Variants in C1orf21 observed in about 807,000 individuals in gnomAD.
C1orf21 encodes uncharacterized protein C1orf21.
A neutral mutation model predicts 18.7 loss-of-function variants in C1orf21; 3 were observed. The ratio of observed to expected loss-of-function variants is 0.16; its 90% CI spans 0.07 to 0.42. C1orf21 has a LOEUF of 0.42. Ranked by LOEUF, C1orf21 falls within the 10% of genes least tolerant of loss-of-function variation. The probability of loss-of-function intolerance (pLI) is 0.99; values close to 1 mark genes in which losing one functional copy is unlikely to be tolerated. For synonymous variants in C1orf21, 41 were observed against 46.4 expected (o/e 0.88, Z 0.47); for missense variants, 104 against 143.6 (o/e 0.72, Z 1.41).
intron 1 of C1orf21, among the ~76,000 whole-genome samples, chr1:184,425,909 A>G (rs1656630057): frequency 6.6e-6 from 1 of 152,210 alleles, no homozygotes; most frequent in African/African-American, 2.4e-5. Context: ...TTGAGAATGG[A>G]GACCATATAG....
intron 2 of C1orf21, among the ~76,000 whole-genome samples, chr1:184,482,283 T>A (rs1249405693): frequency 6.6e-6 from 1 of 152,162 alleles, no homozygotes; most frequent in Non-Finnish European, 1.5e-5. Context: ...AGCCAAACTT[T>A]TCAGCCCGGC....
At chr1:184,472,607 TA>T (rs1657510965) in intron 1 of C1orf21, among the ~76,000 whole-genome samples, 1 of 152,196 alleles carries the variant, frequency 6.6e-6, no homozygotes, top group South Asian at 2.1e-4. Flanking sequence ...TGCTTTTTCT[TA>T]AAAACAGATT....
chr1:184,589,262 A>G (rs1283011052), intron 3 of C1orf21, among the ~76,000 whole-genome samples: 1 of 152,230 alleles, frequency 6.6e-6, no homozygotes, highest in Non-Finnish European at 1.5e-5. Flanking sequence ...AAAAGGACCA[A>G]CTTGGAAGGA....
At chr1:184,566,594 G>A (rs987523270) in intron 3 of C1orf21, 9 of 373,056 alleles carry the variant, frequency 2.4e-5, no homozygotes, top group Non-Finnish European at 4.2e-5. Context: ...AACCAAGACT[G>A]CTTCCCTGGT....
At chr1:184,411,799 C>T (rs1238756474) in intron 1 of C1orf21, among the ~76,000 whole-genome samples, 2 of 152,140 alleles carry the variant, frequency 1.3e-5, no homozygotes, top group Non-Finnish European at 2.9e-5. Flanking sequence ...GTCTTCAGTC[C>T]ACCAAGTTTG....
intron 3 of C1orf21, among the ~76,000 whole-genome samples, chr1:184,525,015 G>A: frequency 6.6e-6 from 1 of 151,856 alleles, no homozygotes; most frequent in East Asian, 1.9e-4. Flanking sequence ...TTGGAAGAAT[G>A]GCAAATTTTT....
rs77222082 is a variant in C1orf21 at position 184,398,451 on chromosome 1, C to G, written c.-125+11083C>G. Among the ~76,000 whole-genome samples the G allele has an allele frequency of 7.9e-3, 1,210 of 152,282 alleles. 19 individuals carry two copies. The highest frequency in any genetic ancestry group is 0.028 in the African/African-American group (1,164 of 41,546). On this transcript the variant is annotated intron_variant, in intron 1 of 5. Coordinates refer to ENST00000235307, the MANE Select transcript of C1orf21 (RefSeq NM_030806.4). ...CCAGCCAGTTCTGTTTTCTCTGCCC[C>G]CTTCCTCGTACACTCCTTTCTTCTC...
intron 1 of C1orf21, among the ~76,000 whole-genome samples, chr1:184,392,342 C>T: frequency 6.6e-6 from 1 of 152,194 alleles, no homozygotes; most frequent in Non-Finnish European, 1.5e-5. Context: ...ATTAGATTCA[C>T]TGCTGCTCCC....
At chr1:184,513,461 G>A (rs1658180195) in intron 3 of C1orf21, among the ~76,000 whole-genome samples, 1 of 152,246 alleles carries the variant, frequency 6.6e-6, no homozygotes, top group Non-Finnish European at 1.5e-5. Flanking sequence ...ATGGTTTACA[G>A]TAGAGGACAC....
chr1:184,563,320 C>T (rs1571279094), intron 3 of C1orf21, among the ~76,000 whole-genome samples: 1 of 152,168 alleles, frequency 6.6e-6, no homozygotes, highest in East Asian at 1.9e-4. Context: ...AAATTAACTG[C>T]ACATGTAATG....
intron 3 of C1orf21, among the ~76,000 whole-genome samples, chr1:184,555,889 C>T (rs560317969): frequency 6.6e-6 from 1 of 152,194 alleles, no homozygotes; most frequent in Non-Finnish European, 1.5e-5. Context: ...CACTGGCCCT[C>T]CAGGCCATCT....
At chr1:184,487,882 A>T (rs1259617476) in intron 2 of C1orf21, among the ~76,000 whole-genome samples, 2 of 152,218 alleles carry the variant, frequency 1.3e-5, no homozygotes, top group African/African-American at 2.4e-5. Flanking sequence ...ACTAAAATGT[A>T]TTAATATTTG....
At chr1:184,483,528 A>G (rs1557983736) in intron 2 of C1orf21, among the ~76,000 whole-genome samples, 1 of 152,120 alleles carries the variant, frequency 6.6e-6, no homozygotes, top group Admixed American at 6.5e-5. Context: ...TCAATAATGT[A>G]GGCTTTAAAC....
intron 2 of C1orf21, among the ~76,000 whole-genome samples, chr1:184,491,347 TC>T (rs1364927695): frequency 1.1e-4 from 17 of 151,764 alleles, no homozygotes; most frequent in South Asian, 4.2e-4. Flanking sequence ...TTTCCTTCTT[TC>T]TTTTTTTTTT....
At chr1:184,524,726 T>A (rs555010287) in intron 3 of C1orf21, among the ~76,000 whole-genome samples, 1 of 152,224 alleles carries the variant, frequency 6.6e-6, no homozygotes, top group East Asian at 1.9e-4. Context: ...CACTGGCTGC[T>A]AGATGATTTA....
At chr1:184,550,389 C>T (rs1658794894) in intron 3 of C1orf21, among the ~76,000 whole-genome samples, 1 of 152,202 alleles carries the variant, frequency 6.6e-6, no homozygotes, top group Non-Finnish European at 1.5e-5. Flanking sequence ...ATTTAGAACA[C>T]ATTTGCTAAA....
chr1:184,592,256 G>GA (rs1659449744), intron 4 of C1orf21: 1 of 151,926 alleles, frequency 6.6e-6, no homozygotes, highest in African/African-American at 2.4e-5. Context: ...AAAAAGAAAA[G>GA]AAAAAAATTA....
intron 1 of C1orf21, among the ~76,000 whole-genome samples, chr1:184,456,866 T>C (rs561268556): frequency 6.6e-6 from 1 of 152,344 alleles, no homozygotes; most frequent in Admixed American, 6.5e-5. Flanking sequence ...ACCTTTCATA[T>C]ATGTATTCTT....
Position 184,625,133 on chromosome 1 carries a change from G to T in C1orf21, c.*5577G>T, listed in dbSNP as rs144714170. 2.0e-5 allele frequency: 3 copies of T among 152,200 alleles called. No individual in the cohort carries two copies. Among genetic ancestry groups the T allele is most frequent in the African/African-American group, 7.2e-5 (3 of 41,430 alleles). 9.4% of individuals were successfully genotyped at this position (152,200 alleles called of 1,614,324 possible). ...CTAAACTGAAGGCTTCATTCTGATA[G>T]TGTCTGCCCTCTCTACCCTGATTTC... On this transcript the variant is annotated 3_prime_UTR_variant, in exon 6 of 6. Transcript: ENST00000235307.
Sources: allele counts gnomAD v4.1 joint callset (sites outside exome capture counted in the v4.1 genomes callset), GRCh38; gene constraint gnomAD v4.1.1; transcripts MANE v1.5; gene names NCBI Gene and HGNC (gene_info 2026-07-23, HGNC 2026-07-21).